Variants in TXLNG observed in about 807,000 individuals in gnomAD.
TXLNG encodes gamma-taxilin.
TXLNG carries 5 observed loss-of-function variants against 38.8 expected under a neutral mutation model. That is an observed-to-expected ratio of 0.13 (90% confidence interval 0.07 to 0.27). TXLNG has a LOEUF of 0.27. TXLNG is among the 10% of genes least tolerant of loss of function. The pLI is 1.00. For synonymous variants in TXLNG, 182 were observed against 158.2 expected, an observed-to-expected ratio of 1.15 and a Z score of -1.13; for missense variants, 393 against 398.2, an observed-to-expected ratio of 0.99 and a Z score of 0.11.
At chrX:16,812,595 T>C (rs1185907775) in intron 1 of TXLNG, among the ~76,000 whole-genome samples, 2 of 106,251 alleles carry the variant, frequency 1.9e-5, no homozygotes, top group African/African-American at 6.9e-5. Flanking sequence ...GGTTTCACCA[T>C]GTTGGCTAGG....
At chrX:16,797,244 A>G (rs1243440516) in intron 1 of TXLNG, among the ~76,000 whole-genome samples, 2 of 106,731 alleles carry the variant, frequency 1.9e-5, no homozygotes, top group Non-Finnish European at 3.9e-5. Flanking sequence ...AGATCATACC[A>G]TTACACTCCA....
At chrX:16,804,561 T>C (rs1208257167) in intron 1 of TXLNG, among the ~76,000 whole-genome samples, 1 of 107,942 alleles carries the variant, frequency 9.3e-6, no homozygotes, top group Non-Finnish European at 1.9e-5. Flanking sequence ...GTTTTTTTAC[T>C]CCTTTAAAAT....
intron 1 of TXLNG, among the ~76,000 whole-genome samples, chrX:16,818,341 T>C (rs1928816806): frequency 8.9e-6 from 1 of 112,042 alleles, no homozygotes; most frequent in African/African-American, 3.2e-5. Flanking sequence ...ACTAAATGGG[T>C]TTCTTGCCTC....
intron 1 of TXLNG, among the ~76,000 whole-genome samples, chrX:16,816,526 C>G (rs1293074594): frequency 8.9e-6 from 1 of 112,245 alleles, no homozygotes; most frequent in East Asian, 2.8e-4. Context: ...AAACATTGCT[C>G]TATAGAATAT....
chrX:16,837,688 AT>A lies in TXLNG; in HGVS notation c.1152+6del. On this transcript the variant is annotated splice_donor_region_variant and intron_variant, in intron 8 of 9. Coordinates refer to ENST00000380122, the MANE Select transcript of TXLNG (RefSeq NM_018360.3). ...CCTTCAGACAGGAAATGGAAAAGGT[AT>A]TTACATATTTTTAGTAGAATAGTAT... 8.6e-7 allele frequency: 1 copy of A among 1,166,005 alleles called. No homozygotes were observed. Among genetic ancestry groups the A allele is most frequent in the Non-Finnish European group, 1.2e-6 (1 of 861,486 alleles).
At chrX:16,815,504 T>C (rs1928704700) in intron 1 of TXLNG, among the ~76,000 whole-genome samples, 1 of 108,831 alleles carries the variant, frequency 9.2e-6, no homozygotes, top group African/African-American at 3.4e-5. Flanking sequence ...CTAATGGTTT[T>C]CAGGGAATAG....
At chrX:16,825,870 G>C (rs765743294) in intron 3 of TXLNG, among the ~76,000 whole-genome samples, 4 of 112,291 alleles carry the variant, frequency 3.6e-5, no homozygotes, top group African/African-American at 1.3e-4. Context: ...GCTAAGTCCT[G>C]ATCTGCAGCT....
chrX:16,798,625 G>A (rs190431154), intron 1 of TXLNG, among the ~76,000 whole-genome samples: 39 of 106,724 alleles, frequency 3.7e-4, no homozygotes, highest in Admixed American at 2.1e-3. Context: ...TTGCTCTGTC[G>A]CCCAGGCTGG....
intron 1 of TXLNG, among the ~76,000 whole-genome samples, chrX:16,794,780 C>T (rs1273771037): frequency 9.0e-6 from 1 of 111,439 alleles, no homozygotes; most frequent in African/African-American, 3.3e-5. Flanking sequence ...TGTGACCCAG[C>T]CCCTGTCCTG....
intron 5 of TXLNG, among the ~76,000 whole-genome samples, chrX:16,831,940 T>C (rs928024581): frequency 2.0e-4 from 22 of 112,183 alleles, no homozygotes; most frequent in Non-Finnish European, 1.9e-5. Flanking sequence ...TCTGTTGACT[T>C]TATTATACAT....
chrX:16,811,274 C>T (rs1214063797), intron 1 of TXLNG, among the ~76,000 whole-genome samples: 1 of 111,995 alleles, frequency 8.9e-6, no homozygotes, highest in Non-Finnish European at 1.9e-5. Flanking sequence ...GGTGTTTGTG[C>T]ACTATACAGA....
At chrX:16,788,667 GT>G (rs10668899) in intron 1 of TXLNG, among the ~76,000 whole-genome samples, 212 of 80,306 alleles carry the variant, frequency 2.6e-3, no homozygotes, top group Non-Finnish European at 3.2e-3. Flanking sequence ...AACTTGTTGT[GT>G]TTTTTTTTTT....
Position 16,818,635 on chromosome X carries a change from T to C in TXLNG, c.164T>C (p.Leu55Ser). 2.5e-6 allele frequency: 3 copies of C among 1,212,017 alleles called. No homozygotes were observed. The South Asian group carries it at 5.3e-5, about 21-fold the overall frequency. Reference sequence around the variant, plus strand: ...GGGCTAGGGGTGAAAGCAGATATGTTGTGTAACTCTCAATCAAATGATATT... The same window carrying C: ...GGGCTAGGGGTGAAAGCAGATATGTCGTGTAACTCTCAATCAAATGATATT... ...ICGLGVKADM[L>S]CNSQSNDILQ... Residue 55 changes from leucine to serine, a missense_variant, in exon 2 of 10, where the codon TTG (leucine) becomes TCG (serine). Transcript: ENST00000380122.
chrX:16,832,785 T>C (rs376070001), intron 6 of TXLNG, 43 bp downstream of exon 6: 3 of 1,151,415 alleles, frequency 2.6e-6, no homozygotes, highest in Non-Finnish European at 3.4e-6. Context: ...TTGCCAACAT[T>C]GTAACTGAGG....
chrX:16,833,651 T>TC (rs1209002711), intron 6 of TXLNG, among the ~76,000 whole-genome samples: 1 of 111,825 alleles, frequency 8.9e-6, no homozygotes, highest in Non-Finnish European at 1.9e-5. Context: ...ACACTCATAT[T>TC]CATTACATGT....
Position 16,808,144 on chromosome X carries a change from G to A in TXLNG, c.103-10430G>A, listed in dbSNP as rs986274192. Among the ~76,000 whole-genome samples, 6 of 111,566 alleles carry A rather than the reference G, an allele frequency of 5.4e-5. No homozygotes were observed. The East Asian group carries it at 1.7e-3, about 31-fold the overall frequency. The stretch of plus-strand genomic sequence containing the variant: ...ATTGAGACAGTGGAAGGAAGATTGC[G>A]AAATATATCCTTTGACCGGAGGGGA... On this transcript the variant is annotated intron_variant, in intron 1 of 9. Transcript: ENST00000380122.
chrX:16,813,637 C>CAA (rs150200590), intron 1 of TXLNG, among the ~76,000 whole-genome samples: 2 of 44,268 alleles, frequency 4.5e-5, no homozygotes, highest in Non-Finnish European at 9.3e-5. Flanking sequence ...ACCTCGTCTC[C>CAA]AAAAAAAAAA....
intron 1 of TXLNG, among the ~76,000 whole-genome samples, chrX:16,789,792 C>CTAT (rs1170392936): frequency 1.9e-5 from 2 of 107,331 alleles, no homozygotes; most frequent in Admixed American, 1.0e-4. Flanking sequence ...CCCTTTCCCC[C>CTAT]TATTATTATT....
intron 1 of TXLNG, among the ~76,000 whole-genome samples, chrX:16,804,486 C>T (rs1227002950): frequency 9.0e-6 from 1 of 110,609 alleles, no homozygotes; most frequent in Non-Finnish European, 1.9e-5. Flanking sequence ...CCCACTCTAC[C>T]AATTTAGAGC....
Sources: allele counts gnomAD v4.1 joint callset (sites outside exome capture counted in the v4.1 genomes callset), GRCh38; gene constraint gnomAD v4.1.1; transcripts MANE v1.5; gene names NCBI Gene and HGNC (gene_info 2026-07-23, HGNC 2026-07-21).